The following SOX6 variants were observed in gnomAD, a reference collection of about 807,000 sequenced individuals.
SOX6 encodes SRY-box transcription factor 6, also known as transcription factor SOX-6.
SOX6 carries 11 observed loss-of-function variants against 97.8 expected under a neutral mutation model. The ratio of observed to expected loss-of-function variants is 0.11; its 90% CI spans 0.07 to 0.19. SOX6 has a LOEUF of 0.19. Among genes scored for constraint, SOX6 ranks in the 10% least tolerant of loss-of-function variants. The pLI is 1.00. For missense variants in SOX6, 810 were observed against 1,039.5 expected (o/e 0.78, Z 3.04); for synonymous variants, 360 against 371.4 (o/e 0.97, Z 0.35).
chr11:16,225,181 T>G (rs1351048729), intron 4 of SOX6, among the ~76,000 whole-genome samples: 1 of 152,054 alleles, frequency 6.6e-6, no homozygotes, highest in Non-Finnish European at 1.5e-5. Flanking sequence ...TGAACATTGA[T>G]AGTTACTGTT....
chr11:16,299,385 C>T (rs1160092050), intron 3 of SOX6, among the ~76,000 whole-genome samples: 4 of 151,938 alleles, frequency 2.6e-5, no homozygotes, highest in Non-Finnish European at 4.4e-5. Flanking sequence ...AGAAAATTAG[C>T]TTGATGAGGC....
intron 12 of SOX6, among the ~76,000 whole-genome samples, chr11:16,026,977 T>C (rs2133879237): frequency 6.6e-6 from 1 of 152,270 alleles, no homozygotes; most frequent in East Asian, 1.9e-4. Flanking sequence ...ATGTGTTAAT[T>C]GTATGGTTTT....
chr11:16,719,662 A>C (rs1431719228), intron 2 of SOX6, among the ~76,000 whole-genome samples: 1 of 152,190 alleles, frequency 6.6e-6, no homozygotes, highest in East Asian at 1.9e-4. Flanking sequence ...AGTGGCTCAC[A>C]CCTGTAATGC....
At chr11:16,217,146 C>G (rs914163339) in intron 4 of SOX6, among the ~76,000 whole-genome samples, 1 of 152,174 alleles carries the variant, frequency 6.6e-6, no homozygotes, top group South Asian at 2.1e-4. Context: ...TCTATTTATG[C>G]TCCCTTGATG....
intron 13 of SOX6, among the ~76,000 whole-genome samples, chr11:16,009,792 T>C (rs989904906): frequency 1.3e-5 from 2 of 152,044 alleles, no homozygotes; most frequent in African/African-American, 4.8e-5. Context: ...ATCTTTACAT[T>C]CCAAAGTATA....
Position 15,971,292 on chromosome 11 carries a change from C to T in SOX6, c.*1517G>A, listed in dbSNP as rs946011616. ...GAGGCTGTCATGTGGCTTTTTGCAT[C>T]CTGGGGATTTTGCAATGAACTCCCT... is the stretch of plus-strand genomic sequence containing the variant. On this transcript the variant is annotated 3_prime_UTR_variant, in exon 16 of 16. Transcript: ENST00000683767. The T allele has an allele frequency of 6.6e-6, 1 of 152,630 alleles. No homozygotes were observed. Among genetic ancestry groups the T allele is most frequent in the African/African-American group, 2.4e-5 (1 of 41,444 alleles). 9.5% of individuals were successfully genotyped at this position (152,630 alleles called of 1,614,324 possible). A position where few individuals can be genotyped will look rare whatever the true frequency, so the allele number is the denominator to read the frequency against.
intron 12 of SOX6, among the ~76,000 whole-genome samples, chr11:16,020,550 T>C (rs1404375939): frequency 6.6e-6 from 1 of 152,160 alleles, no homozygotes; most frequent in Non-Finnish European, 1.5e-5. Flanking sequence ...TCCTGTCACA[T>C]ATCCTCTGGT....
chr11:16,061,594 T>G (rs772885565), intron 9 of SOX6, among the ~76,000 whole-genome samples: 1 of 151,810 alleles, frequency 6.6e-6, no homozygotes, highest in Non-Finnish European at 1.5e-5. Context: ...AAGGCAATCC[T>G]AAGCAAAAAG....
In SOX6 at chr11:16,307,360, A is replaced by G. The variant is rs576197437; in HGVS notation, c.445+11086T>C. Among the ~76,000 whole-genome samples, 4 of 152,340 alleles carry G rather than the reference A, an allele frequency of 2.6e-5. No homozygotes were observed. In the East Asian group the frequency reaches 7.7e-4, roughly 29 times the overall value. ...TAGAAGTGAGACCAGACTTTCTGCTATTAATCAGGGTCAAGGCTTAAGAGT... is the reference window on the plus strand; with the variant it reads ...TAGAAGTGAGACCAGACTTTCTGCTGTTAATCAGGGTCAAGGCTTAAGAGT... On this transcript the variant is annotated intron_variant, in intron 3 of 15. Coordinates refer to ENST00000683767, the MANE Select transcript of SOX6 (RefSeq NM_001367873.1).
chr11:16,073,738 A>G (rs1279527743), intron 9 of SOX6, among the ~76,000 whole-genome samples: 1 of 152,162 alleles, frequency 6.6e-6, no homozygotes, highest in African/African-American at 2.4e-5. Context: ...CATACCAAAC[A>G]TACTCTCAGA....
chr11:16,654,198 T>C (rs1847693086), intron 3 of SOX6, among the ~76,000 whole-genome samples: 1 of 152,156 alleles, frequency 6.6e-6, no homozygotes, highest in Admixed American at 6.6e-5. Context: ...TCTCAGTGTA[T>C]CACCCAGGCT....
chr11:16,041,425 C>G (rs1855660368), intron 12 of SOX6, among the ~76,000 whole-genome samples: 3 of 152,176 alleles, frequency 2.0e-5, no homozygotes, highest in East Asian at 1.9e-4. Flanking sequence ...CAGTGTAATA[C>G]TGATGTACTA....
intron 3 of SOX6, among the ~76,000 whole-genome samples, chr11:16,251,778 G>A (rs940606232): frequency 1.7e-4 from 26 of 152,080 alleles, no homozygotes; most frequent in Admixed American, 1.6e-3. Flanking sequence ...CAGAATCTCC[G>A]TCATAATCAT....
At chr11:16,641,710 C>T (rs1469592183) in intron 3 of SOX6, among the ~76,000 whole-genome samples, 1 of 152,242 alleles carries the variant, frequency 6.6e-6, no homozygotes, top group Admixed American at 6.5e-5. Flanking sequence ...TCTGTTTTAT[C>T]AGAGACTAAG....
intron 1 of SOX6, among the ~76,000 whole-genome samples, chr11:16,435,649 GT>G (rs1356455388): frequency 3.9e-5 from 6 of 152,064 alleles, no homozygotes; most frequent in African/African-American, 1.4e-4. Flanking sequence ...ATACATTTCT[GT>G]TTGAAGCCAA....
At chr11:16,438,458 TC>T (rs1308375889) in intron 1 of SOX6, among the ~76,000 whole-genome samples, 1 of 152,182 alleles carries the variant, frequency 6.6e-6, no homozygotes, top group Non-Finnish European at 1.5e-5. Flanking sequence ...GTAGTTTCTT[TC>T]CTAGAAAGAG....
intron 4 of SOX6, among the ~76,000 whole-genome samples, chr11:16,537,517 C>T (rs1861327965): frequency 2.6e-5 from 4 of 152,110 alleles, no homozygotes; most frequent in Admixed American, 2.6e-4. Flanking sequence ...TCGGTAACAA[C>T]AAACTTCTCT....
chr11:16,508,651 G>C (rs1237461976), intron 4 of SOX6, among the ~76,000 whole-genome samples: 4 of 152,056 alleles, frequency 2.6e-5, no homozygotes, highest in Non-Finnish European at 2.9e-5. Flanking sequence ...TGATCATGGA[G>C]AGAGAGTATA....
chr11:16,425,140 C>A (rs189348890), intron 1 of SOX6, among the ~76,000 whole-genome samples: 35 of 152,200 alleles, frequency 2.3e-4, no homozygotes, highest in African/African-American at 7.7e-4. Flanking sequence ...TGCTAGTTCC[C>A]CTTTAGCATT....
Sources: allele counts gnomAD v4.1 joint callset (sites outside exome capture counted in the v4.1 genomes callset), GRCh38; gene constraint gnomAD v4.1.1; transcripts MANE v1.5; gene names NCBI Gene and HGNC (gene_info 2026-07-23, HGNC 2026-07-21).